Variants in ZNF10 observed in about 807,000 individuals in gnomAD.
The protein encoded by ZNF10 is zinc finger protein 10 (KOX 1).
A neutral mutation model predicts 12.2 loss-of-function variants in ZNF10; 8 were observed. The observed-to-expected ratio is 0.66, with a 90% CI of 0.39 to 1.18. The LOEUF is 1.18. Among genes scored for constraint, ZNF10 ranks in the 50% most tolerant of loss-of-function variants. The pLI is 0.01. For synonymous variants in ZNF10, 229 were observed against 228.2 expected (o/e 1.00, Z -0.03); for missense variants, 603 against 678.9 (o/e 0.89, Z 1.24).
At chr12:133,144,946 G>C in intron 2 of ZNF10, 2 of 422,002 alleles carry the variant, frequency 4.7e-6, no homozygotes, top group Non-Finnish European at 9.4e-6. Context: ...CCAGTGGCGC[G>C]ATCTCAGCTC....
intron 1 of ZNF10, chr12:133,131,123 T>G (rs1372726488): frequency 6.6e-6 from 1 of 152,222 alleles, no homozygotes; most frequent in Non-Finnish European, 1.5e-5. Context: ...CATATGGCCT[T>G]TCTAGTATTT....
chr12:133,135,084 T>C (rs1044202856), intron 1 of ZNF10, among the ~76,000 whole-genome samples: 1 of 152,206 alleles, frequency 6.6e-6, no homozygotes, highest in Non-Finnish European at 1.5e-5. Context: ...ATTCTCATAG[T>C]TGTGTTCCTA....
At chr12:133,148,365 C>T (rs1593844401) in intron 2 of ZNF10, among the ~76,000 whole-genome samples, 1 of 152,354 alleles carries the variant, frequency 6.6e-6, no homozygotes, top group South Asian at 2.1e-4. Flanking sequence ...AGATGATCCT[C>T]CTGCCTTGGC....
intron 1 of ZNF10, among the ~76,000 whole-genome samples, chr12:133,139,405 GTAGTTTGAT>G (rs539703239): frequency 6.2e-4 from 94 of 152,332 alleles, no homozygotes; most frequent in African/African-American, 2.2e-3. Flanking sequence ...GAAATGTATG[GTAGTTTGAT>G]AAAACATTTA....
Position 133,157,092 on chromosome 12 carries a change from A to T in ZNF10, c.*124A>T, listed in dbSNP as rs12826062. Reference sequence around the variant, plus strand: ...CAGTCTTGTTACTATCCTATTGCACATTAGAGAATTGGTCCTGGAAGGGAA... The same window carrying T: ...CAGTCTTGTTACTATCCTATTGCACTTTAGAGAATTGGTCCTGGAAGGGAA... On this transcript the variant is annotated 3_prime_UTR_variant, in exon 5 of 5. Coordinates refer to ENST00000248211, the MANE Select transcript of ZNF10 (RefSeq NM_015394.5). The T allele has an allele frequency of 0.019, 16,206 of 858,484 alleles. 193 individuals carry two copies. The highest frequency in any genetic ancestry group is 0.022 in the Non-Finnish European group (14,189 of 633,856). The allele number at this position is 858,484 out of a possible 1,614,324, so 53.2% of individuals were successfully genotyped here. A position where few individuals can be genotyped will look rare whatever the true frequency, so the allele number is the denominator to read the frequency against.
At chr12:133,142,084 C>G (rs1472268659) in intron 1 of ZNF10, among the ~76,000 whole-genome samples, 1 of 152,032 alleles carries the variant, frequency 6.6e-6, no homozygotes, top group Non-Finnish European at 1.5e-5. Flanking sequence ...ATTACACATT[C>G]AGGAAAAAAC....
intron 2 of ZNF10, among the ~76,000 whole-genome samples, chr12:133,146,153 A>G (rs1485812447): frequency 6.6e-6 from 1 of 152,148 alleles, no homozygotes; most frequent in East Asian, 1.9e-4. Flanking sequence ...GAGTGTCATC[A>G]CCATTAGGCC....
intron 1 of ZNF10, among the ~76,000 whole-genome samples, chr12:133,132,374 A>G (rs755836550): frequency 1.3e-4 from 19 of 151,752 alleles, no homozygotes; most frequent in Admixed American, 3.9e-4. Context: ...GGTTCAAGCA[A>G]TTCTCCTGCC....
Position 133,144,769 on chromosome 12 carries a change from G to A in ZNF10, c.33+244G>A, listed in dbSNP as rs768115961. 560 of 497,930 alleles carry A rather than the reference G, an allele frequency of 1.1e-3. 2 individuals carry two copies. The highest frequency in any genetic ancestry group is 1.8e-3 in the Non-Finnish European group (500 of 273,626). The allele number at this position is 497,930 out of a possible 1,614,324, so 30.8% of individuals were successfully genotyped here. A position where few individuals can be genotyped will look rare whatever the true frequency, so the allele number is the denominator to read the frequency against. Reference sequence around the variant, plus strand: ...ATAGTAGAATAGTAGTGGAAAATATGACAGAATGGAATGAGATTAGTGTTA... The same window carrying A: ...ATAGTAGAATAGTAGTGGAAAATATAACAGAATGGAATGAGATTAGTGTTA... On this transcript the variant is annotated intron_variant, in intron 2 of 4. Transcript: ENST00000248211.
chr12:133,138,354 T>C (rs1955924546), intron 1 of ZNF10, among the ~76,000 whole-genome samples: 2 of 150,080 alleles, frequency 1.3e-5, no homozygotes, highest in Non-Finnish European at 3.0e-5. Context: ...CTATTGAAAA[T>C]TTATTAGTGA....
intron 2 of ZNF10, among the ~76,000 whole-genome samples, chr12:133,149,240 T>C (rs578081088): frequency 1.4e-3 from 219 of 151,808 alleles, no homozygotes; most frequent in Middle Eastern, 0.014. Flanking sequence ...ACTATAGGCA[T>C]GAGCCACCAC....
chr12:133,152,667 C>T (rs759372843), intron 4 of ZNF10, among the ~76,000 whole-genome samples: 2 of 152,190 alleles, frequency 1.3e-5, no homozygotes, highest in Non-Finnish European at 1.5e-5. Flanking sequence ...CCGCCCACCT[C>T]GGCCTTCCAA....
At chr12:133,151,982 C>A in intron 4 of ZNF10, 78 bp downstream of exon 4, 2 of 1,112,312 alleles carry the variant, frequency 1.8e-6, no homozygotes, top group Non-Finnish European at 2.7e-6. Context: ...AGATAGTGGT[C>A]ACTGGCCCTC....
Position 133,156,171 on chromosome 12 carries a change from A to T in ZNF10, c.925A>T (p.Ile309Phe), listed in dbSNP as rs1307544284. The T allele has an allele frequency of 1.9e-6, 3 of 1,613,660 alleles. No homozygotes were observed. Among genetic ancestry groups the T allele is most frequent in the African/African-American group, 2.7e-5 (2 of 74,894 alleles). The change falls in exon 5 of 5, where the codon ATT (isoleucine) becomes TTT (phenylalanine). Residue 309 changes from isoleucine to phenylalanine, a missense_variant. Physicochemically the swap from Ile to Phe is conservative, Grantham distance 21 (BLOSUM62 0). Transcript: ENST00000248211. ...GKSFSRSSHLIGHQKTHTGEE... is the reference protein window; with the variant it reads ...GKSFSRSSHLFGHQKTHTGEE... ...GTCTTTCAGCCGGAGTTCTCACCTC[A>T]TTGGACATCAAAAGACCCATACTGG...
chr12:133,136,262 C>T (rs1220422725), intron 1 of ZNF10, among the ~76,000 whole-genome samples: 1 of 152,186 alleles, frequency 6.6e-6, no homozygotes, highest in East Asian at 1.9e-4. Flanking sequence ...CCACTCTGAC[C>T]CCACCACCTC....
intron 1 of ZNF10, chr12:133,143,932 G>C (rs1389379269): frequency 6.6e-6 from 1 of 152,306 alleles, no homozygotes; most frequent in African/African-American, 2.4e-5. Context: ...TGAGGTCCCT[G>C]CTTCCTAGCT....
intron 1 of ZNF10, among the ~76,000 whole-genome samples, chr12:133,132,108 T>C (rs1266822051): frequency 6.6e-6 from 1 of 152,168 alleles, no homozygotes; most frequent in Non-Finnish European, 1.5e-5. Context: ...TAAAAAGTCT[T>C]CACAATAGGA....
chr12:133,135,225 G>A (rs1358920494), intron 1 of ZNF10, among the ~76,000 whole-genome samples: 1 of 151,990 alleles, frequency 6.6e-6, no homozygotes, highest in Admixed American at 6.6e-5. Context: ...TGTCTTACTG[G>A]GAAGATTATT....
chr12:133,139,916 T>C (rs894372772), intron 1 of ZNF10, among the ~76,000 whole-genome samples: 1 of 151,660 alleles, frequency 6.6e-6, no homozygotes, highest in Non-Finnish European at 1.5e-5. Flanking sequence ...TTTTTTTAAT[T>C]AGCCAGGCTG....
Sources: gnomAD v4.1 joint callset for allele counts (sites outside exome capture counted in the v4.1 genomes callset) on GRCh38, gnomAD v4.1.1 for gene constraint, MANE v1.5 for transcripts, NCBI Gene and HGNC (gene_info 2026-07-23, HGNC 2026-07-21) for gene names.